Variants in ERG observed in about 807,000 individuals in gnomAD.
ERG encodes the protein ETS transcription factor ERG.
Under a neutral mutation model 55.3 loss-of-function variants are expected in ERG, and 9 were observed. That is an observed-to-expected ratio of 0.16 (90% CI 0.10 to 0.28). ERG has a LOEUF of 0.28. Ranked by LOEUF, ERG falls within the 10% of genes least tolerant of loss-of-function variation. The pLI is 1.00. For missense variants in ERG, 434 were observed against 631.6 expected (o/e 0.69, Z 3.35); for synonymous variants, 223 against 237.3 (o/e 0.94, Z 0.55).
chr21:38,381,236 A>G lies in ERG; in HGVS notation c.*2167T>C, dbSNP rs2146406076. The G allele has an allele frequency of 9.4e-7, 1 of 1,065,318 alleles. No individual in the cohort carries two copies. The highest frequency in any genetic ancestry group is 5.3e-5 in the Admixed American group (1 of 18,756). 66.0% of individuals were successfully genotyped at this position (1,065,318 alleles called of 1,614,324 possible). A position where few individuals can be genotyped will look rare whatever the true frequency, so the allele number is the denominator to read the frequency against. ...GAAAAAAACAGGCCCTGAAACAGCT[A>G]TGAAAAGGGCCAGTTCAGAAACCTA... On this transcript the variant is annotated 3_prime_UTR_variant, in exon 10 of 10. Transcript: ENST00000288319.
intron 1 of ERG, among the ~76,000 whole-genome samples, chr21:38,599,496 C>A (rs1292969205): frequency 6.6e-6 from 1 of 152,148 alleles, no homozygotes; most frequent in Admixed American, 6.5e-5. Context: ...GGCCAAGTAA[C>A]CCCATTAATA....
Position 38,391,730 on chromosome 21 carries a change from A to G in ERG, c.815-15T>C. On this transcript the variant is annotated splice_polypyrimidine_tract_variant and intron_variant, in intron 7 of 9. Coordinates refer to ENST00000288319, the MANE Select transcript of ERG (RefSeq NM_182918.4). The stretch of plus-strand genomic sequence containing the variant: ...TGGTTGAGCAGCTGAAAATCCAGAA[A>G]TACAAAAGGCAATTAGCTATAACAG... The G allele has an allele frequency of 6.2e-7, 1 of 1,612,242 alleles. No individual in the cohort carries two copies.
In ERG at chr21:38,550,842, A is replaced by C. The variant is rs185703229; in HGVS notation, c.-41+24820T>G. On this transcript the variant is annotated intron_variant, in intron 2 of 8. Transcript: ENST00000398897. ...ACACAAGGTTTGTGACACACACACA[A>C]AAAAACATAAGGCAGATAAATCAGC... Among the ~76,000 whole-genome samples the C allele has an allele frequency of 7.2e-5, 11 of 152,340 alleles. No homozygotes were observed. In the East Asian group the frequency reaches 1.2e-3, roughly 16 times the overall value.
At chr21:38,538,368 C>T (rs1385788881) in intron 2 of ERG, among the ~76,000 whole-genome samples, 1 of 151,924 alleles carries the variant, frequency 6.6e-6, no homozygotes, top group Non-Finnish European at 1.5e-5. Flanking sequence ...AAAAATCAAA[C>T]ATGGTTCTTC....
chr21:38,404,359 G>A (rs961362515), intron 3 of ERG, among the ~76,000 whole-genome samples: 10 of 152,130 alleles, frequency 6.6e-5, no homozygotes, highest in Non-Finnish European at 1.3e-4. Context: ...GAGTGGGGTT[G>A]GTGAGTGGTT....
intron 6 of ERG, among the ~76,000 whole-genome samples, chr21:38,392,914 G>A (rs1988044320): frequency 6.6e-6 from 1 of 152,082 alleles, no homozygotes; most frequent in South Asian, 2.1e-4. Flanking sequence ...GCATCTCCTG[G>A]GAAGTGATCG....
intron 2 of ERG, among the ~76,000 whole-genome samples, chr21:38,430,614 C>T (rs1364827817): frequency 6.6e-6 from 1 of 152,210 alleles, no homozygotes; most frequent in Non-Finnish European, 1.5e-5. Context: ...CTGCTCACAG[C>T]AGCAGAAATT....
chr21:38,402,574 A>G lies in ERG; in HGVS notation c.656T>C (p.Met219Thr), dbSNP rs1988547766. ...AGCATTACCTGTGTTTCTAGCATGC[A>G]TTAACCGTGGAGAGTTTTGTAAGGC... ...DKALQNSPRLMHARNTGGAAF... is the reference protein window; with the variant it reads ...DKALQNSPRLTHARNTGGAAF... The change falls in exon 5 of 10, where the codon ATG (methionine) becomes ACG (threonine). Residue 219 changes from methionine (M) to threonine (T), a missense_variant. This residue lies in a region of ERG where 99 missense variants were observed against 145.6 expected (regional missense o/e 0.68). Coordinates refer to ENST00000288319, the MANE Select transcript of ERG (RefSeq NM_182918.4). The G allele has an allele frequency of 6.2e-7, 1 of 1,612,828 alleles. No homozygotes were observed. Among genetic ancestry groups the G allele is most frequent in the Non-Finnish European group, 8.5e-7 (1 of 1,179,590 alleles).
the ERG span, among the ~76,000 whole-genome samples, chr21:38,371,392 A>T: frequency 6.6e-6 from 1 of 151,892 alleles, no homozygotes; most frequent in South Asian, 2.1e-4. Context: ...TTTTTTCCTT[A>T]CCATAGTATT....
chr21:38,438,681 G>A (rs1412070263), intron 2 of ERG, among the ~76,000 whole-genome samples: 1 of 152,246 alleles, frequency 6.6e-6, no homozygotes, highest in Non-Finnish European at 1.5e-5. Context: ...AATGTGGCGG[G>A]AGGGAAGGAG....
intron 2 of ERG, among the ~76,000 whole-genome samples, chr21:38,529,460 T>C (rs1445220343): frequency 6.6e-6 from 1 of 152,088 alleles, no homozygotes; most frequent in Non-Finnish European, 1.5e-5. Flanking sequence ...AGAATGATGC[T>C]AGGCATTTGG....
chr21:38,583,237 C>T (rs1279087830), intron 1 of ERG, among the ~76,000 whole-genome samples: 1 of 152,212 alleles, frequency 6.6e-6, no homozygotes, highest in Admixed American at 6.5e-5. Context: ...GCACACCAGG[C>T]CCCTGACTGG....
chr21:38,383,860 C>T lies in ERG; in HGVS notation c.983G>A (p.Ser328Asn). 1 of 1,614,096 alleles carries T rather than the reference C, an allele frequency of 6.2e-7. No homozygotes were observed. Among genetic ancestry groups the T allele is most frequent in the Non-Finnish European group, 8.5e-7 (1 of 1,180,016 alleles). ...GTTGGTGCCTTCCCAGGTGATGCAGCTGGAGTTGGAGCTGTCCGACAGGAG... is the reference window on the plus strand; with the variant it reads ...GTTGGTGCCTTCCCAGGTGATGCAGTTGGAGTTGGAGCTGTCCGACAGGAG... The part of the protein sequence containing the change: ...LELLSDSSNS[S>N]CITWEGTNGE... Residue 328 changes from serine (S) to asparagine (N), a missense_variant, in exon 10 of 10, where the codon AGC becomes AAC. Around this residue, in one of 5 missense-constraint regions of ERG, gnomAD observed 99 missense variants for 145.6 expected, o/e 0.68. Coordinates refer to ENST00000288319, the MANE Select transcript of ERG (RefSeq NM_182918.4). This position sits in a 1 kb window ranked among gnomAD's most constrained non-coding sequence, Gnocchi z 5.7.
chr21:38,640,687 T>A (rs906126756), intron 1 of ERG, among the ~76,000 whole-genome samples: 2 of 152,164 alleles, frequency 1.3e-5, no homozygotes, highest in African/African-American at 4.8e-5. Context: ...GAACTGTGAG[T>A]CCACTAAGCC....
chr21:38,422,351 A>G (rs915989242), intron 3 of ERG, among the ~76,000 whole-genome samples: 1 of 152,274 alleles, frequency 6.6e-6, no homozygotes, highest in African/African-American at 2.4e-5. Flanking sequence ...ATTTAATCCA[A>G]TGCCAACAGG....
At chr21:38,549,613 C>T (rs184340082) in intron 2 of ERG, among the ~76,000 whole-genome samples, 2 of 152,208 alleles carry the variant, frequency 1.3e-5, no homozygotes, top group Non-Finnish European at 2.9e-5. Flanking sequence ...GGAGCTGAGT[C>T]TTTTGAAACA....
intron 2 of ERG, among the ~76,000 whole-genome samples, chr21:38,558,989 G>C (rs1021234774): frequency 1.3e-5 from 2 of 152,182 alleles, no homozygotes; most frequent in Non-Finnish European, 1.5e-5. Flanking sequence ...AAGGAGAGGG[G>C]AAGTGATGGC....
chr21:38,386,634 G>T (rs1382449777), intron 9 of ERG, among the ~76,000 whole-genome samples: 1 of 152,184 alleles, frequency 6.6e-6, no homozygotes, highest in Non-Finnish European at 1.5e-5. Flanking sequence ...AAACAAGAAT[G>T]CTTAGGGTTT....
At chr21:38,379,493 G>GA (rs1294851021), downstream of ERG, among the ~76,000 whole-genome samples, 1 of 151,176 alleles carries the variant, frequency 6.6e-6, no homozygotes, top group Admixed American at 6.6e-5. Flanking sequence ...TACAGAACAT[G>GA]AAAAAACCAT....
Sources: allele counts gnomAD v4.1 joint callset (sites outside exome capture counted in the v4.1 genomes callset), GRCh38; gene constraint gnomAD v4.1.1; regional missense constraint gnomAD v4.1.1; non-coding constraint Gnocchi (gnomAD v3.1); transcripts MANE v1.5; gene names NCBI Gene and HGNC (gene_info 2026-07-23, HGNC 2026-07-21).